NSG2: variants seen among roughly 807,000 people sequenced by gnomAD.
NSG2 encodes the protein neuronal vesicle trafficking-associated protein 2.
A neutral mutation model predicts 16.9 loss-of-function variants in NSG2; 4 were observed. That is an observed-to-expected ratio of 0.24 (90% CI 0.12 to 0.54). NSG2 has a LOEUF of 0.54. NSG2 is among the 20% of genes least tolerant of loss of function. The pLI, the probability that NSG2 is intolerant of heterozygous loss-of-function variation, is 0.95. For missense variants in NSG2, 179 were observed against 221.1 expected, an observed-to-expected ratio of 0.81 and a Z score of 1.21; for synonymous variants, 98 against 88.7, an observed-to-expected ratio of 1.11 and a Z score of -0.59.
chr5:174,093,644 A>G (rs1222225699), intron 3 of NSG2, among the ~76,000 whole-genome samples: 1 of 152,198 alleles, frequency 6.6e-6, no homozygotes, highest in African/African-American at 2.4e-5. Context: ...GCCAGGAACA[A>G]GGTGCCGGGA....
At chr5:174,102,436 C>T (rs2113477906) in intron 3 of NSG2, among the ~76,000 whole-genome samples, 1 of 152,262 alleles carries the variant, frequency 6.6e-6, no homozygotes, top group Admixed American at 6.5e-5. Flanking sequence ...TATTTCTAGG[C>T]CAACTGACTG....
At chr5:174,103,973 AC>A (rs1318423601) in intron 3 of NSG2, among the ~76,000 whole-genome samples, 4 of 152,184 alleles carry the variant, frequency 2.6e-5, no homozygotes, top group Admixed American at 2.6e-4. Context: ...ACTCCATCTC[AC>A]AAAAACAAAC....
At chr5:174,079,971 T>A (rs937583027) in intron 3 of NSG2, among the ~76,000 whole-genome samples, 1 of 152,234 alleles carries the variant, frequency 6.6e-6, no homozygotes, top group Admixed American at 6.5e-5. Context: ...TTGGAATTTG[T>A]CTCTGTGTGA....
intron 3 of NSG2, among the ~76,000 whole-genome samples, chr5:174,080,916 C>T (rs1462097421): frequency 6.6e-6 from 1 of 152,012 alleles, no homozygotes; most frequent in Admixed American, 6.6e-5. Context: ...TGAAGACTTT[C>T]ATCACTTTCA....
chr5:174,047,752 T>TG (rs925921408), intron 2 of NSG2, among the ~76,000 whole-genome samples: 4 of 152,226 alleles, frequency 2.6e-5, no homozygotes, highest in African/African-American at 7.2e-5. Context: ...AAAGGTGGGA[T>TG]GGGGGTTATG....
At chr5:174,048,460 G>T (rs1286613581) in intron 2 of NSG2, among the ~76,000 whole-genome samples, 1 of 152,168 alleles carries the variant, frequency 6.6e-6, no homozygotes, top group African/African-American at 2.4e-5. Context: ...ATGAAAATTT[G>T]GTGAGTTATC....
chr5:174,064,989 G>T (rs188605492), intron 3 of NSG2, among the ~76,000 whole-genome samples: 38 of 152,324 alleles, frequency 2.5e-4, no homozygotes, highest in African/African-American at 9.1e-4. Flanking sequence ...AAGGAGGCTA[G>T]CCCCAACCCT....
rs1445022190 is a variant in NSG2, at chr5:174,080,920, A to G, written c.213+16605A>G. Among the ~76,000 whole-genome samples, 4 of 152,056 alleles carry G rather than the reference A, an allele frequency of 2.6e-5. No homozygotes were observed. In the East Asian group the frequency reaches 7.7e-4, roughly 29 times the overall value. On this transcript the variant is annotated intron_variant, in intron 3 of 4. Coordinates refer to ENST00000303177, the MANE Select transcript of NSG2 (RefSeq NM_015980.5). ...ATTGCATCTGTTGAAGACTTTCATC[A>G]CTTTCAGTTGAGCTGTAAGATCATT...
chr5:174,053,546 A>G (rs1759923944), intron 2 of NSG2, among the ~76,000 whole-genome samples: 1 of 152,144 alleles, frequency 6.6e-6, no homozygotes, highest in Admixed American at 6.5e-5. Flanking sequence ...TATGAGAAAC[A>G]TAGGCTTTCC....
At chr5:174,068,904 G>A (rs1581224068) in intron 3 of NSG2, among the ~76,000 whole-genome samples, 1 of 151,280 alleles carries the variant, frequency 6.6e-6, no homozygotes, top group East Asian at 2.0e-4. Context: ...GCTATGGAAG[G>A]TGCTGGTGCT....
chr5:174,076,458 G>GA (rs997919337), intron 3 of NSG2, among the ~76,000 whole-genome samples: 2 of 151,592 alleles, frequency 1.3e-5, no homozygotes, highest in Non-Finnish European at 2.9e-5. Context: ...AAGAGAGAGA[G>GA]AAAAAAAGCT....
At chr5:174,071,857 C>G (rs1403258071) in intron 3 of NSG2, among the ~76,000 whole-genome samples, 3 of 152,182 alleles carry the variant, frequency 2.0e-5, no homozygotes, top group African/African-American at 7.2e-5. Context: ...GGAAGGGGAT[C>G]CCCGGCTACA....
intron 2 of NSG2, among the ~76,000 whole-genome samples, chr5:174,060,929 A>G (rs1385140331): frequency 1.3e-5 from 2 of 152,184 alleles, no homozygotes; most frequent in Non-Finnish European, 2.9e-5. Context: ...CATGGGAGGG[A>G]CTAGCCCATC....
intron 3 of NSG2, among the ~76,000 whole-genome samples, chr5:174,090,351 G>A (rs978622015): frequency 1.2e-4 from 18 of 152,190 alleles, no homozygotes; most frequent in African/African-American, 3.6e-4. Context: ...TTTCAGAGGC[G>A]CGTGGGCAAC....
chr5:174,090,350 C>T (rs950199273), intron 3 of NSG2, among the ~76,000 whole-genome samples: 6 of 152,280 alleles, frequency 3.9e-5, no homozygotes, highest in Middle Eastern at 3.4e-3. Context: ...GTTTCAGAGG[C>T]GCGTGGGCAA....
At chr5:174,068,617 G>A (rs945539411) in intron 3 of NSG2, among the ~76,000 whole-genome samples, 3 of 150,908 alleles carry the variant, frequency 2.0e-5, no homozygotes, top group South Asian at 2.1e-4. Flanking sequence ...CTGGTGTCAC[G>A]GTGATCCTGG....
intron 3 of NSG2, among the ~76,000 whole-genome samples, chr5:174,073,583 G>A (rs1256999538): frequency 6.6e-6 from 1 of 152,162 alleles, no homozygotes; most frequent in African/African-American, 2.4e-5. Context: ...CTTTCGCCTG[G>A]CTTTGTGAGT....
intron 3 of NSG2, among the ~76,000 whole-genome samples, chr5:174,069,153 A>G (rs945509721): frequency 6.7e-6 from 1 of 148,942 alleles, no homozygotes; most frequent in African/African-American, 2.5e-5. Context: ...TGTGATGGTG[A>G]TCTTGCTGCT....
At position 174,072,047 on chromosome 5, in the gene NSG2, C is replaced by T. The variant is rs1465672604; in HGVS notation, c.213+7732C>T. On this transcript the variant is annotated intron_variant, in intron 3 of 4. Coordinates refer to ENST00000303177, the MANE Select transcript of NSG2 (RefSeq NM_015980.5). The surrounding 1 kb of genome is among the most constrained non-coding windows in gnomAD (Gnocchi z 4.0). ...AAGCAGGGAGAAACACAGAAACCAG[C>T]CTCCTCAGTGCTGGCCGCTGCACCT... Among the ~76,000 whole-genome samples the T allele has an allele frequency of 1.3e-5, 2 of 152,212 alleles. No individual in the cohort carries two copies. The highest frequency in any genetic ancestry group is 2.4e-5 in the African/African-American group (1 of 41,450).
Sources: allele counts gnomAD v4.1 joint callset (sites outside exome capture counted in the v4.1 genomes callset), GRCh38; gene constraint gnomAD v4.1.1; non-coding constraint Gnocchi (gnomAD v3.1); transcripts MANE v1.5; gene names NCBI Gene and HGNC (gene_info 2026-07-23, HGNC 2026-07-21).